The following MTMR2 variants were observed in gnomAD, a reference collection of about 807,000 sequenced individuals.
MTMR2 encodes the protein myotubularin related protein 2.
In MTMR2, 55 loss-of-function variants were observed where a neutral mutation model predicts 86.9. The observed-to-expected ratio is 0.63, with a 90% CI of 0.51 to 0.79. MTMR2 has a LOEUF of 0.79. Among genes scored for constraint, MTMR2 ranks in the 30% least tolerant of loss-of-function variants. MTMR2 has a pLI of 0.00. For synonymous variants in MTMR2, 241 were observed against 266.8 expected (o/e 0.90, Z 0.94); for missense variants, 659 against 772.3 (o/e 0.85, Z 1.74).
chr11:95,862,450 C>A, intron 3 of MTMR2, 84 bp from the exon 4 acceptor site: 1 of 1,037,734 alleles, frequency 9.6e-7, no homozygotes, highest in Non-Finnish European at 1.5e-6. Flanking sequence ...TGTTATGATT[C>A]CTAGACTAAT....
At chr11:95,835,694 T>C (rs1249866162) in intron 14 of MTMR2, among the ~76,000 whole-genome samples, 2 of 152,062 alleles carry the variant, frequency 1.3e-5, no homozygotes, top group African/African-American at 2.4e-5. Flanking sequence ...ACTGGTACTT[T>C]TCCAAATACA....
At chr11:95,890,880 TAAATA>T (rs1300546887) in intron 1 of MTMR2, among the ~76,000 whole-genome samples, 3 of 151,170 alleles carry the variant, frequency 2.0e-5, no homozygotes, top group Non-Finnish European at 4.4e-5. Context: ...CTCGAAAAAT[TAAATA>T]AAATTAAAAT....
intron 1 of MTMR2, among the ~76,000 whole-genome samples, chr11:95,902,200 A>G (rs1209283965): frequency 2.6e-5 from 4 of 152,108 alleles, no homozygotes; most frequent in Middle Eastern, 3.2e-3. Flanking sequence ...TGGCGATGGT[A>G]TATCATATAA....
chr11:95,868,329 AAT>A (rs1387324479), intron 2 of MTMR2, among the ~76,000 whole-genome samples: 4 of 150,906 alleles, frequency 2.7e-5, no homozygotes. Flanking sequence ...AAAAAAAAGA[AAT>A]AGAGTAGAAA....
At chr11:95,923,669 A>T in intron 1 of MTMR2, 1 of 1,425,542 alleles carries the variant, frequency 7.0e-7, no homozygotes, top group Non-Finnish European at 9.2e-7. Context: ...AGAGGAATCG[A>T]TAAAGAAGCA....
At chr11:95,867,521 T>G (rs142225536) in intron 2 of MTMR2, among the ~76,000 whole-genome samples, 1 of 152,196 alleles carries the variant, frequency 6.6e-6, no homozygotes, top group Non-Finnish European at 1.5e-5. Context: ...CTTTCTTATA[T>G]TCTCTCTGAC....
chr11:95,894,830 T>G (rs572719568), intron 1 of MTMR2, among the ~76,000 whole-genome samples: 1 of 152,142 alleles, frequency 6.6e-6, no homozygotes, highest in African/African-American at 2.4e-5. Flanking sequence ...GGGAAGAGGG[T>G]ACATGATTAC....
intron 13 of MTMR2, among the ~76,000 whole-genome samples, chr11:95,836,718 T>C (rs1279308012): frequency 6.6e-6 from 1 of 151,830 alleles, no homozygotes; most frequent in African/African-American, 2.4e-5. Flanking sequence ...TAAAAAGAAA[T>C]GATATAAAAT....
rs1240931422 is a variant in MTMR2, at chr11:95,832,995, G to A, written c.*2295C>T. The A allele has an allele frequency of 1.3e-5, 2 of 152,106 alleles. No homozygotes were observed. Among genetic ancestry groups the A allele is most frequent in the African/African-American group, 4.8e-5 (2 of 41,434 alleles). The allele number at this position is 152,106 out of a possible 1,614,324, so 9.4% of individuals were successfully genotyped here. A position where few individuals can be genotyped will look rare whatever the true frequency, so the allele number is the denominator to read the frequency against. ...TAATGTGAATTGCAGTGGTAGTAGC[G>A]GTATACACAGTGCTATGGGGGCACA... On this transcript the variant is annotated 3_prime_UTR_variant, in exon 15 of 15. Coordinates refer to ENST00000346299, the MANE Select transcript of MTMR2 (RefSeq NM_016156.6).
intron 1 of MTMR2, among the ~76,000 whole-genome samples, chr11:95,899,037 T>G (rs1176457664): frequency 1.3e-5 from 2 of 152,170 alleles, no homozygotes; most frequent in Non-Finnish European, 2.9e-5. Context: ...TAAGTTGATA[T>G]TTCTGTAAGC....
chr11:95,912,505 T>C (rs970893886), intron 1 of MTMR2, among the ~76,000 whole-genome samples: 1 of 152,004 alleles, frequency 6.6e-6, no homozygotes, highest in South Asian at 2.1e-4. Context: ...AAAAAAGGCA[T>C]TGCATCATTA....
At chr11:95,863,032 T>C (rs1864482221) in intron 3 of MTMR2, among the ~76,000 whole-genome samples, 1 of 152,256 alleles carries the variant, frequency 6.6e-6, no homozygotes, top group Non-Finnish European at 1.5e-5. Flanking sequence ...GCATTATGTT[T>C]TGTAAAATAT....
At chr11:95,850,870 G>T in intron 7 of MTMR2, 121 bp from the exon 8 acceptor site, 1 of 930,466 alleles carries the variant, frequency 1.1e-6, no homozygotes, top group Non-Finnish European at 1.7e-6. Context: ...AAAGTGTTGG[G>T]ATAGTTGTTG....
chr11:95,915,319 G>C (rs1447511350), intron 1 of MTMR2, among the ~76,000 whole-genome samples: 1 of 152,060 alleles, frequency 6.6e-6, no homozygotes. Context: ...CTCATTTGCT[G>C]CTATCAGTAA....
At chr11:95,847,612 T>G in intron 10 of MTMR2, 102 bp downstream of exon 10, 1 of 1,076,848 alleles carries the variant, frequency 9.3e-7, no homozygotes, top group Non-Finnish European at 1.4e-6. Flanking sequence ...TTTTCATTGT[T>G]TAGAAAGGTA....
chr11:95,880,931 A>G (rs1213935318), intron 2 of MTMR2, among the ~76,000 whole-genome samples: 1 of 152,080 alleles, frequency 6.6e-6, no homozygotes, highest in East Asian at 1.9e-4. Flanking sequence ...AAAGTTGGTA[A>G]ATTTTAGCAC....
intron 7 of MTMR2, among the ~76,000 whole-genome samples, chr11:95,856,844 C>A (rs1864234280): frequency 6.6e-6 from 1 of 152,158 alleles, no homozygotes. Context: ...ACCTGCTAGA[C>A]TTTTTGGTTG....
intron 2 of MTMR2, among the ~76,000 whole-genome samples, chr11:95,866,050 G>A (rs1864604836): frequency 6.6e-6 from 1 of 152,182 alleles, no homozygotes; most frequent in East Asian, 1.9e-4. Flanking sequence ...GTGCCAGTGT[G>A]TAGATCTGAA....
chr11:95,845,195 C>A (rs755844108), intron 10 of MTMR2, 36 bp from the exon 11 acceptor site: 1 of 1,536,756 alleles, frequency 6.5e-7, no homozygotes. Flanking sequence ...TGTTTTTAAA[C>A]AAGGTAAATA....
Sources: gnomAD v4.1 joint callset for allele counts (sites outside exome capture counted in the v4.1 genomes callset) on GRCh38, gnomAD v4.1.1 for gene constraint, MANE v1.5 for transcripts, NCBI Gene and HGNC (gene_info 2026-07-23, HGNC 2026-07-21) for gene names.